TMTC2: variants seen among roughly 807,000 people sequenced by gnomAD.
TMTC2 encodes the protein transmembrane O-mannosyltransferase targeting cadherins 2, also known as protein O-mannosyl-transferase TMTC2.
A neutral mutation model predicts 82.4 loss-of-function variants in TMTC2; 43 were observed. The observed-to-expected ratio is 0.52, with a 90% CI of 0.41 to 0.67. TMTC2 has a LOEUF of 0.67. Among genes scored for constraint, TMTC2 ranks in the 30% least tolerant of loss-of-function variants. TMTC2 has a pLI of 0.00. For missense variants in TMTC2, 919 were observed against 1,012.4 expected (o/e 0.91, Z 1.25); for synonymous variants, 408 against 381.9 (o/e 1.07, Z -0.80).
chr12:82,923,505 A>G (rs942328931), intron 3 of TMTC2, among the ~76,000 whole-genome samples: 4 of 152,012 alleles, frequency 2.6e-5, no homozygotes, highest in Non-Finnish European at 5.9e-5. Context: ...CAAATCCATT[A>G]ATTTTTTTTT....
chr12:82,707,777 A>G (rs537660654), intron 1 of TMTC2, among the ~76,000 whole-genome samples: 13 of 152,342 alleles, frequency 8.5e-5, no homozygotes, highest in African/African-American at 2.9e-4. Context: ...AGGGCAAGGT[A>G]TTCTTGGAAG....
At chr12:82,720,767 G>C (rs533202314) in intron 1 of TMTC2, among the ~76,000 whole-genome samples, 2 of 152,128 alleles carry the variant, frequency 1.3e-5, no homozygotes, top group Non-Finnish European at 2.9e-5. Flanking sequence ...ATGCTATCTC[G>C]TTGTTTTATG....
At chr12:83,091,339 A>G (rs1242963378) in intron 11 of TMTC2, among the ~76,000 whole-genome samples, 3 of 152,182 alleles carry the variant, frequency 2.0e-5, no homozygotes, top group African/African-American at 7.2e-5. Context: ...TCCCCAAACT[A>G]CTGTTATAAC....
intron 8 of TMTC2, among the ~76,000 whole-genome samples, chr12:83,016,712 A>G (rs1401295253): frequency 1.3e-5 from 2 of 152,322 alleles, no homozygotes; most frequent in East Asian, 3.9e-4. Flanking sequence ...CTGGTAGTGA[A>G]CTTCTGGAAC....
intron 11 of TMTC2, among the ~76,000 whole-genome samples, chr12:83,065,120 T>C (rs77339670): frequency 0.044 from 6,651 of 152,054 alleles, 220 homozygotes; most frequent in Middle Eastern, 0.099. Context: ...GTCACTACTA[T>C]ACAAAGTAAA....
In TMTC2 at chr12:82,917,824, G is replaced by A. The variant is rs557252698; in HGVS notation, c.1484-12607G>A. 5.1e-3 allele frequency among the ~76,000 whole-genome samples: 772 copies of A among 152,080 alleles called. 7 individuals carry two copies. The highest frequency in any genetic ancestry group is 0.018 in the African/African-American group (748 of 41,484). On this transcript the variant is annotated intron_variant, in intron 3 of 11. Coordinates refer to ENST00000321196, the MANE Select transcript of TMTC2 (RefSeq NM_152588.3). ...TCACCGTGTTAGCCAGGATGGTCTTGATCTCCTGACCTCGTGATCCACCCG... is the reference window on the plus strand; with the variant it reads ...TCACCGTGTTAGCCAGGATGGTCTTAATCTCCTGACCTCGTGATCCACCCG...
chr12:82,765,525 T>A (rs1478948204), intron 1 of TMTC2, among the ~76,000 whole-genome samples: 1 of 151,932 alleles, frequency 6.6e-6, no homozygotes, highest in Non-Finnish European at 1.5e-5. Flanking sequence ...AAATACAAAA[T>A]TAGCTGGGTG....
intron 7 of TMTC2, among the ~76,000 whole-genome samples, chr12:82,970,066 G>A (rs1309091565): frequency 6.6e-6 from 1 of 152,118 alleles, no homozygotes; most frequent in Non-Finnish European, 1.5e-5. Flanking sequence ...GAGAAAACAG[G>A]TTAGATTAAA....
chr12:82,750,606 G>A (rs6539686), intron 1 of TMTC2, among the ~76,000 whole-genome samples: 150,309 of 152,290 alleles, frequency 0.99, 74,212 homozygotes, highest in Middle Eastern at 1. Context: ...AATTTTCACA[G>A]TGCTGTGAGA....
chr12:82,687,903 C>CGAA (rs1872404812), intron 1 of TMTC2, among the ~76,000 whole-genome samples: 1 of 152,170 alleles, frequency 6.6e-6, no homozygotes, highest in Non-Finnish European at 1.5e-5. Context: ...CCTTGCTTCT[C>CGAA]GGCTGTTGGC....
At chr12:82,956,559 C>G (rs1416702064) in intron 4 of TMTC2, among the ~76,000 whole-genome samples, 3 of 152,078 alleles carry the variant, frequency 2.0e-5, no homozygotes, top group African/African-American at 7.2e-5. Flanking sequence ...AAGTGATTCT[C>G]CTGCCTCAGC....
At chr12:82,836,692 G>C (rs934116854) in intron 1 of TMTC2, among the ~76,000 whole-genome samples, 25 of 152,214 alleles carry the variant, frequency 1.6e-4, no homozygotes, top group African/African-American at 6.0e-4. Context: ...CTAAGTGGAT[G>C]GTAATTCATT....
intron 1 of TMTC2, among the ~76,000 whole-genome samples, chr12:82,831,743 A>G (rs1457645956): frequency 6.6e-6 from 1 of 152,086 alleles, no homozygotes; most frequent in Non-Finnish European, 1.5e-5. Flanking sequence ...TTTTTCCCAT[A>G]TGGGAAAGTA....
intron 4 of TMTC2, among the ~76,000 whole-genome samples, chr12:82,930,931 C>G (rs1022882498): frequency 1.3e-5 from 2 of 152,016 alleles, no homozygotes; most frequent in Non-Finnish European, 2.9e-5. Flanking sequence ...TTTTATGAGA[C>G]AGTATCTCAC....
chr12:82,863,619 C>T (rs192138337), intron 2 of TMTC2, among the ~76,000 whole-genome samples: 1 of 152,242 alleles, frequency 6.6e-6, no homozygotes, highest in East Asian at 1.9e-4. Flanking sequence ...ATTCTGTATT[C>T]CAGTTGCAGT....
chr12:83,020,210 C>A (rs1364147572), intron 8 of TMTC2, among the ~76,000 whole-genome samples: 1 of 152,170 alleles, frequency 6.6e-6, no homozygotes, highest in Non-Finnish European at 1.5e-5. Context: ...TTCGTTAGGG[C>A]AGGAGTTGTG....
At chr12:82,690,322 A>AAT in intron 1 of TMTC2, 1 of 978,856 alleles carries the variant, frequency 1.0e-6, no homozygotes, top group Non-Finnish European at 1.2e-6. Context: ...ACTTTTGTGA[A>AAT]ATCCAGTTCT....
chr12:82,786,177 T>C (rs1361993280), intron 1 of TMTC2, among the ~76,000 whole-genome samples: 1 of 152,080 alleles, frequency 6.6e-6, no homozygotes, highest in Non-Finnish European at 1.5e-5. Flanking sequence ...TCATCTAATA[T>C]GTATCTGCAT....
chr12:82,706,235 G>C (rs1223603335), intron 1 of TMTC2, among the ~76,000 whole-genome samples: 1 of 151,478 alleles, frequency 6.6e-6, no homozygotes, highest in Non-Finnish European at 1.5e-5. Context: ...CTTGAACCTG[G>C]GAACCTGGGA....
Sources: gnomAD v4.1 joint callset for allele counts (sites outside exome capture counted in the v4.1 genomes callset) on GRCh38, gnomAD v4.1.1 for gene constraint, MANE v1.5 for transcripts, NCBI Gene and HGNC (gene_info 2026-07-23, HGNC 2026-07-21) for gene names.